The following DLC1 variants were observed in gnomAD, a reference collection of about 807,000 sequenced individuals.
DLC1 encodes the protein rho GTPase-activating protein 7.
In DLC1, 54 loss-of-function variants were observed where a neutral mutation model predicts 140.3. That is an observed-to-expected ratio of 0.38 (90% CI 0.31 to 0.48). The LOEUF (loss-of-function observed/expected upper bound fraction) is 0.48. DLC1 is among the 20% of genes least tolerant of loss of function. The pLI, the probability that DLC1 is intolerant of heterozygous loss-of-function variation, is 0.96. For synonymous variants in DLC1, 986 were observed against 728.1 expected (o/e 1.35, Z -5.70); for missense variants, 2,536 against 1,907.0 (o/e 1.33, Z -6.14).
rs141089956 is a variant in DLC1 at position 13,130,673 on chromosome 8, T to C, written c.1349-15016A>G. ...TATTCACTGTTTAAGGAATGAGTGG[T>C]GTTTCTCATGAAATCTGCAATTGGG... is the stretch of plus-strand genomic sequence containing the variant. On this transcript the variant is annotated intron_variant, in intron 5 of 17. Transcript: ENST00000276297. Among the ~76,000 whole-genome samples the C allele has an allele frequency of 8.2e-3, 1,256 of 152,366 alleles. 14 individuals are homozygous for C. Among genetic ancestry groups the C allele is most frequent in the Non-Finnish European group, 0.013 (904 of 68,036 alleles).
At chr8:13,552,060 T>C (rs940044638) in intron 1 of DLC1, among the ~76,000 whole-genome samples, 1 of 141,778 alleles carries the variant, frequency 7.1e-6, no homozygotes, top group Non-Finnish European at 1.5e-5. Flanking sequence ...TATACACATA[T>C]ATATATATAC....
chr8:13,524,632 C>G (rs1452530990), intron 1 of DLC1, among the ~76,000 whole-genome samples: 1 of 152,018 alleles, frequency 6.6e-6, no homozygotes, highest in Non-Finnish European at 1.5e-5. Context: ...TGCAGGAGAA[C>G]AGTTCCATCT....
chr8:13,471,517 AGGAGGGAGGGAG>A (rs201227369), intron 2 of DLC1, among the ~76,000 whole-genome samples: 4 of 123,532 alleles, frequency 3.2e-5, no homozygotes, highest in Admixed American at 8.8e-5. Flanking sequence ...AGGGAGGGAA[AGGAGGGAGGGAG>A]GGAGGGAAGG....
intron 1 of DLC1, among the ~76,000 whole-genome samples, chr8:13,524,105 CTATT>C (rs1802842830): frequency 8.2e-6 from 1 of 121,346 alleles, no homozygotes; most frequent in African/African-American, 3.1e-5. Context: ...GTTATCTATT[CTATT>C]TATTATTATT....
chr8:13,110,307 T>G (rs1819974470), intron 7 of DLC1, among the ~76,000 whole-genome samples: 1 of 152,228 alleles, frequency 6.6e-6, no homozygotes, highest in African/African-American at 2.4e-5. Flanking sequence ...TATTTCGTCC[T>G]ATCATTATTT....
At chr8:13,480,301 G>T (rs1383317743) in intron 2 of DLC1, among the ~76,000 whole-genome samples, 1 of 152,164 alleles carries the variant, frequency 6.6e-6, no homozygotes, top group Non-Finnish European at 1.5e-5. Context: ...TATTCAGGGA[G>T]ATATGTAAAC....
intron 5 of DLC1, among the ~76,000 whole-genome samples, chr8:13,242,722 T>C (rs1247566835): frequency 3.9e-5 from 6 of 152,182 alleles, no homozygotes; most frequent in South Asian, 4.1e-4. Context: ...GGTGTTGCCA[T>C]TGGAGAAGGC....
In DLC1 at chr8:13,468,396, C is replaced by T. The variant is rs555493757; in HGVS notation, c.1023+30653G>A. Reference sequence around the variant, plus strand: ...CTCCTTTTCTGTCTTGCTCTGAGGCCCAGGCTGGAGTCTGGTATTATGATC... The same window carrying T: ...CTCCTTTTCTGTCTTGCTCTGAGGCTCAGGCTGGAGTCTGGTATTATGATC... On this transcript the variant is annotated intron_variant, in intron 2 of 17. Coordinates refer to ENST00000276297, the MANE Select transcript of DLC1 (RefSeq NM_182643.3). 1.9e-4 allele frequency among the ~76,000 whole-genome samples: 24 copies of T among 127,958 alleles called. No individual in the cohort carries two copies. The East Asian group carries it at 6.8e-3, about 36-fold the overall frequency. 83.9% of individuals were successfully genotyped at this position (127,958 alleles called of 152,430 possible).
intron 4 of DLC1, among the ~76,000 whole-genome samples, chr8:13,382,990 G>A (rs1563301389): frequency 1.3e-5 from 2 of 152,178 alleles, no homozygotes; most frequent in Admixed American, 6.5e-5. Flanking sequence ...GAGATCATAT[G>A]AGCAGAAACA....
chr8:13,229,684 T>C (rs140719462), intron 5 of DLC1, among the ~76,000 whole-genome samples: 29 of 151,922 alleles, frequency 1.9e-4, no homozygotes, highest in African/African-American at 2.7e-4. Context: ...GAGAGAGACT[T>C]CTTTTTCTTG....
intron 4 of DLC1, among the ~76,000 whole-genome samples, chr8:13,358,620 T>C (rs1309087464): frequency 6.6e-6 from 1 of 152,156 alleles, no homozygotes; most frequent in Admixed American, 6.5e-5. Context: ...AAGTTTGTCT[T>C]TCTTAAATAA....
At chr8:13,422,402 CT>C (rs549082037) in intron 2 of DLC1, among the ~76,000 whole-genome samples, 6,487 of 145,532 alleles carry the variant, frequency 0.045, 389 homozygotes, top group African/African-American at 0.14. Flanking sequence ...TCAGAGATTG[CT>C]TTTTTTTTTT....
chr8:13,557,799 A>G (rs980476823), intron 1 of DLC1: 2 of 152,150 alleles, frequency 1.3e-5, no homozygotes, highest in Non-Finnish European at 2.9e-5. Context: ...TCTGAAAACA[A>G]GCTAAAATAA....
chr8:13,253,146 T>A (rs1472365184), intron 5 of DLC1, among the ~76,000 whole-genome samples: 1 of 152,176 alleles, frequency 6.6e-6, no homozygotes, highest in Non-Finnish European at 1.5e-5. Context: ...GCCATTAATA[T>A]CAAGTAAGAA....
At chr8:13,320,057 C>T (rs1053966464) in intron 4 of DLC1, among the ~76,000 whole-genome samples, 2 of 151,982 alleles carry the variant, frequency 1.3e-5, no homozygotes, top group South Asian at 2.1e-4. Context: ...TTGATCCGCC[C>T]GCCTTGGCCT....
intron 5 of DLC1, among the ~76,000 whole-genome samples, chr8:13,219,153 ATTATAT>A (rs1483631789): frequency 1.8e-5 from 1 of 57,126 alleles, no homozygotes; most frequent in East Asian, 1.0e-3. Context: ...TAATTATATA[ATTATAT>A]GAATATAACT....
intron 5 of DLC1, among the ~76,000 whole-genome samples, chr8:13,153,120 G>A (rs940515174): frequency 1.1e-4 from 16 of 152,300 alleles, no homozygotes; most frequent in East Asian, 5.8e-4. Flanking sequence ...GAACGAAGCC[G>A]CGGACCCGCG....
intron 5 of DLC1, among the ~76,000 whole-genome samples, chr8:13,175,423 A>AT (rs1344594042): frequency 1.3e-5 from 2 of 152,044 alleles, no homozygotes; most frequent in African/African-American, 4.8e-5. Flanking sequence ...TTTGATAGAA[A>AT]TAGCACTGAA....
chr8:13,382,210 C>G (rs1173445056), intron 4 of DLC1, among the ~76,000 whole-genome samples: 1 of 151,970 alleles, frequency 6.6e-6, no homozygotes, highest in East Asian at 1.9e-4. Flanking sequence ...ATTACGTATA[C>G]TGAAATGAAA....
Sources: gnomAD v4.1 joint callset for allele counts (sites outside exome capture counted in the v4.1 genomes callset) on GRCh38, gnomAD v4.1.1 for gene constraint, MANE v1.5 for transcripts, NCBI Gene and HGNC (gene_info 2026-07-23, HGNC 2026-07-21) for gene names.